The following PTPRG variants were observed in gnomAD, a reference collection of about 807,000 sequenced individuals.
PTPRG encodes protein tyrosine phosphatase receptor type G.
Under a neutral mutation model 165.3 loss-of-function variants are expected in PTPRG, and 102 were observed. The observed-to-expected ratio is 0.62, with a 90% CI of 0.53 to 0.73. PTPRG has a LOEUF of 0.73. Ranked by LOEUF, PTPRG falls within the 30% of genes least tolerant of loss-of-function variation. The pLI is 0.00. For synonymous variants in PTPRG, 675 were observed against 669.5 expected, an observed-to-expected ratio of 1.01 and a Z score of -0.13; for missense variants, 1,866 against 1,861.4, an observed-to-expected ratio of 1.00 and a Z score of -0.05.
chr3:61,642,513 G>A (rs1702095926), intron 1 of PTPRG, among the ~76,000 whole-genome samples: 2 of 152,238 alleles, frequency 1.3e-5, no homozygotes, highest in South Asian at 2.1e-4. Flanking sequence ...CCCAGAAGAG[G>A]TCTGCATTTT....
At chr3:61,753,651 C>T in intron 2 of PTPRG, 1 of 431,444 alleles carries the variant, frequency 2.3e-6, no homozygotes, top group Non-Finnish European at 4.5e-6. Context: ...GTGCCTCGAT[C>T]TCAGCTCACT....
chr3:62,278,277 G>A (rs1274018987), intron 26 of PTPRG, among the ~76,000 whole-genome samples: 1 of 150,714 alleles, frequency 6.6e-6, no homozygotes, highest in Non-Finnish European at 1.5e-5. Flanking sequence ...AGTACTAATA[G>A]TGAATTTTTT....
At chr3:61,919,815 A>G (rs949300011) in intron 2 of PTPRG, among the ~76,000 whole-genome samples, 3 of 152,170 alleles carry the variant, frequency 2.0e-5, no homozygotes, top group African/African-American at 4.8e-5. Flanking sequence ...AACTTGTTAC[A>G]TGTGCCTTCC....
chr3:62,245,027 ATAT>A lies in PTPRG; in HGVS notation c.2467+1132_2467+1134del, dbSNP rs1217740330. ...TGTCTGTATATTGCTAAGTCATTAG[ATAT>A]TACTGGGATTGTCCATGTTTTGTAC... On this transcript the variant is annotated intron_variant, in intron 15 of 29. Coordinates refer to ENST00000474889, the MANE Select transcript of PTPRG (RefSeq NM_002841.4). The surrounding 1 kb of genome is among the most constrained non-coding windows in gnomAD (Gnocchi z 4.2). 6.6e-6 allele frequency among the ~76,000 whole-genome samples: 1 copy of A among 152,144 alleles called. No homozygotes were observed. The highest frequency in any genetic ancestry group is 1.5e-5 in the Non-Finnish European group (1 of 68,022).
At chr3:61,890,794 T>G (rs930446949) in intron 2 of PTPRG, among the ~76,000 whole-genome samples, 1 of 152,210 alleles carries the variant, frequency 6.6e-6, no homozygotes, top group African/African-American at 2.4e-5. Context: ...CCTTTCTACC[T>G]GCCATTCAGC....
chr3:62,047,631 A>G (rs1006727946), intron 4 of PTPRG, among the ~76,000 whole-genome samples: 3 of 152,274 alleles, frequency 2.0e-5, no homozygotes, highest in African/African-American at 7.2e-5. Flanking sequence ...ATGAAGTTCA[A>G]GTTTTATGTA....
chr3:62,114,017 G>T (rs183943093), intron 5 of PTPRG, among the ~76,000 whole-genome samples: 1 of 152,160 alleles, frequency 6.6e-6, no homozygotes. Flanking sequence ...GTGGCTTTCC[G>T]ACCGGGTGTG....
intron 5 of PTPRG, among the ~76,000 whole-genome samples, chr3:62,097,254 A>G (rs1207942076): frequency 6.6e-6 from 1 of 152,192 alleles, no homozygotes; most frequent in African/African-American, 2.4e-5. Context: ...GATCTTGCTC[A>G]TGTAATCTTC....
At chr3:62,143,487 A>G (rs1430601995) in intron 6 of PTPRG, among the ~76,000 whole-genome samples, 1 of 151,960 alleles carries the variant, frequency 6.6e-6, no homozygotes, top group Admixed American at 6.6e-5. Context: ...CTGACTGCCT[A>G]AGGTGCTGAG....
At chr3:62,091,487 C>A (rs1247812324) in intron 5 of PTPRG, among the ~76,000 whole-genome samples, 4 of 152,146 alleles carry the variant, frequency 2.6e-5, no homozygotes, top group Non-Finnish European at 5.9e-5. Context: ...CCAGATGCCT[C>A]CAGATGGTGG....
intron 5 of PTPRG, among the ~76,000 whole-genome samples, chr3:62,121,122 T>C (rs1160889971): frequency 6.6e-6 from 1 of 151,454 alleles, no homozygotes; most frequent in African/African-American, 2.4e-5. Flanking sequence ...TTTTTTTTTT[T>C]TTTTGTATTT....
chr3:62,185,332 C>T (rs149092237), intron 8 of PTPRG, among the ~76,000 whole-genome samples: 2 of 152,136 alleles, frequency 1.3e-5, no homozygotes, highest in Non-Finnish European at 1.5e-5. Flanking sequence ...TGGCACCTCC[C>T]GCATGGTTAA....
intron 3 of PTPRG, among the ~76,000 whole-genome samples, chr3:61,995,778 TTTTTC>T (rs1559735979): frequency 6.7e-6 from 1 of 150,152 alleles, no homozygotes; most frequent in Admixed American, 6.6e-5. Flanking sequence ...CTTCTTTTTC[TTTTTC>T]TTTTTTTGAT....
At chr3:62,074,352 C>CTTTCTTTCTTTTT (rs1701310935) in intron 4 of PTPRG, among the ~76,000 whole-genome samples, 2 of 109,114 alleles carry the variant, frequency 1.8e-5, no homozygotes, top group African/African-American at 7.7e-5. Context: ...TCTTTTCTTT[C>CTTTCTTTCTTTTT]TTTTTTTTTT....
rs1162647474 is a variant in PTPRG, at chr3:62,294,074, T to G, written c.*767T>G. ...ATTTTGACTCTCTAAAATAGCTACATCCTAAAATCAGGGCTATCTTTAACA... is the reference window on the plus strand; with the variant it reads ...ATTTTGACTCTCTAAAATAGCTACAGCCTAAAATCAGGGCTATCTTTAACA... On this transcript the variant is annotated 3_prime_UTR_variant, in exon 30 of 30. Coordinates refer to ENST00000474889, the MANE Select transcript of PTPRG (RefSeq NM_002841.4). 1 of 152,432 alleles carries G rather than the reference T, an allele frequency of 6.6e-6. No individual in the cohort carries two copies. Among genetic ancestry groups the G allele is most frequent in the Non-Finnish European group, 1.5e-5 (1 of 68,000 alleles). 9.4% of individuals were successfully genotyped at this position (152,432 alleles called of 1,614,324 possible).
intron 13 of PTPRG, among the ~76,000 whole-genome samples, chr3:62,226,907 T>G (rs1246805136): frequency 6.6e-6 from 1 of 152,246 alleles, no homozygotes; most frequent in Non-Finnish European, 1.5e-5. Flanking sequence ...CATGTGTTGG[T>G]GCCTCCTCAT....
chr3:61,640,289 A>G (rs1056625261), intron 1 of PTPRG, among the ~76,000 whole-genome samples: 1 of 152,216 alleles, frequency 6.6e-6, no homozygotes, highest in South Asian at 2.1e-4. Flanking sequence ...GACAACAATC[A>G]GTCTTTTCCC....
At chr3:61,780,729 G>GT (rs2034523867) in intron 2 of PTPRG, among the ~76,000 whole-genome samples, 1 of 152,110 alleles carries the variant, frequency 6.6e-6, no homozygotes, top group African/African-American at 2.4e-5. Flanking sequence ...AGTTGTATTT[G>GT]CATCCATGAT....
In PTPRG at chr3:62,255,768, A is replaced by G. The variant is rs1023144137; in HGVS notation, c.2559+553A>G. ...TAACATCTTTAAAAGTGCCAAGTTCATTGTTAAGAACCATGCAAAGGTTGA... is the reference window on the plus strand; with the variant it reads ...TAACATCTTTAAAAGTGCCAAGTTCGTTGTTAAGAACCATGCAAAGGTTGA... On this transcript the variant is annotated intron_variant, in intron 16 of 29. Transcript: ENST00000474889. The surrounding 1 kb of genome is among the most constrained non-coding windows in gnomAD (Gnocchi z 4.0). 6.6e-6 allele frequency among the ~76,000 whole-genome samples: 1 copy of G among 152,200 alleles called. No individual in the cohort carries two copies. The highest frequency in any genetic ancestry group is 1.9e-4 in the East Asian group (1 of 5,204).
Sources: allele counts gnomAD v4.1 joint callset (sites outside exome capture counted in the v4.1 genomes callset), GRCh38; gene constraint gnomAD v4.1.1; non-coding constraint Gnocchi (gnomAD v3.1); transcripts MANE v1.5; gene names NCBI Gene and HGNC (gene_info 2026-07-23, HGNC 2026-07-21).